MYO5B: variants seen among roughly 807,000 people sequenced by gnomAD.
MYO5B encodes the protein myosin VB, also known as unconventional myosin-Vb.
MYO5B carries 143 observed loss-of-function variants against 229.3 expected under a neutral mutation model. The observed-to-expected ratio is 0.62, with a 90% CI of 0.54 to 0.72. MYO5B has a LOEUF of 0.72. Among genes scored for constraint, MYO5B ranks in the 30% least tolerant of loss-of-function variants. MYO5B has a pLI of 0.00. For missense variants in MYO5B, 2,321 were observed against 2,331.0 expected (o/e 1.00, Z 0.09); for synonymous variants, 918 against 885.2 (o/e 1.04, Z -0.66).
At chr18:49,945,059 G>C (rs1568041425) in intron 14 of MYO5B, among the ~76,000 whole-genome samples, 1 of 152,200 alleles carries the variant, frequency 6.6e-6, no homozygotes, top group Non-Finnish European at 1.5e-5. Context: ...ACACTTAGCA[G>C]TTCTGCTTCC....
intron 10 of MYO5B, among the ~76,000 whole-genome samples, chr18:49,968,782 T>A (rs1033267363): frequency 6.6e-6 from 1 of 152,246 alleles, no homozygotes; most frequent in Non-Finnish European, 1.5e-5. Context: ...CTGACTTTTT[T>A]AGCTTTTAAT....
chr18:50,101,704 A>G (rs2031658156), intron 1 of MYO5B, among the ~76,000 whole-genome samples: 1 of 152,176 alleles, frequency 6.6e-6, no homozygotes, highest in Non-Finnish European at 1.5e-5. Flanking sequence ...TCTCATGCAG[A>G]TCAGAATGGT....
chr18:49,996,493 C>G (rs1356556331), intron 5 of MYO5B, among the ~76,000 whole-genome samples: 3 of 152,118 alleles, frequency 2.0e-5, no homozygotes, highest in Non-Finnish European at 2.9e-5. Context: ...AAAGAATAAA[C>G]TAGAACACAG....
At chr18:49,884,934 T>A (rs941964596) in intron 22 of MYO5B, among the ~76,000 whole-genome samples, 2 of 152,118 alleles carry the variant, frequency 1.3e-5, no homozygotes, top group Non-Finnish European at 1.5e-5. Flanking sequence ...CACACTGAGA[T>A]AACAGTTCAC....
chr18:49,934,781 C>T (rs2025231078), intron 16 of MYO5B, among the ~76,000 whole-genome samples: 1 of 152,200 alleles, frequency 6.6e-6, no homozygotes, highest in African/African-American at 2.4e-5. Flanking sequence ...CATTCTGTCT[C>T]CTTAACCTTT....
At chr18:49,962,023 A>T (rs1598914504) in intron 12 of MYO5B, among the ~76,000 whole-genome samples, 2 of 152,166 alleles carry the variant, frequency 1.3e-5, no homozygotes, top group Admixed American at 6.5e-5. Context: ...AACCCGTGCC[A>T]CCCAGGCTCC....
chr18:50,010,268 G>C (rs1001102823), intron 4 of MYO5B, among the ~76,000 whole-genome samples: 2 of 152,208 alleles, frequency 1.3e-5, no homozygotes, highest in African/African-American at 4.8e-5. Flanking sequence ...CAGGTGTAGT[G>C]TGATATAGGC....
intron 27 of MYO5B, among the ~76,000 whole-genome samples, chr18:49,869,112 C>T (rs1209241941): frequency 6.6e-6 from 1 of 152,188 alleles, no homozygotes; most frequent in African/African-American, 2.4e-5. Flanking sequence ...CATCTTAGTG[C>T]TTTGACTTAC....
intron 1 of MYO5B, among the ~76,000 whole-genome samples, chr18:50,061,393 G>A (rs1258157846): frequency 6.6e-6 from 1 of 152,174 alleles, no homozygotes; most frequent in Non-Finnish European, 1.5e-5. Flanking sequence ...CAGTTTTGTC[G>A]AGAAATCCTG....
intron 16 of MYO5B, among the ~76,000 whole-genome samples, chr18:49,934,808 C>G (rs781586015): frequency 1.4e-4 from 22 of 152,212 alleles, no homozygotes; most frequent in Non-Finnish European, 2.6e-4. Flanking sequence ...CAGAGCCCAT[C>G]TGAATGGAAG....
In MYO5B at chr18:49,879,064, C is replaced by T. The variant is rs557000450; in HGVS notation, c.3157G>A (p.Glu1053Lys). Residue 1053 changes from glutamate (E) to lysine (K), a missense_variant, in exon 24 of 40, where the codon GAA (glutamate) becomes AAA (lysine). Around this residue, in one of 2 missense-constraint regions of MYO5B, gnomAD observed 2,113 missense variants for 2,044.7 expected, o/e 1.03. Transcript: ENST00000285039. ...TCCAGTTCTTTCTTCATGAGATTTT[C>T]CTTCACAGAGTTCTGGGCAAATTCA... ...KDEFAQNSVK[E>K]NLMKKELEEE... 45 of 1,612,488 alleles carry T rather than the reference C, an allele frequency of 2.8e-5. No homozygotes were observed. In the South Asian group the frequency reaches 4.6e-4, roughly 17 times the overall value.
At chr18:50,086,737 C>A (rs2031338664) in intron 1 of MYO5B, among the ~76,000 whole-genome samples, 1 of 152,120 alleles carries the variant, frequency 6.6e-6, no homozygotes, top group Non-Finnish European at 1.5e-5. Context: ...ATGTCTGGAG[C>A]TCAGAAGAGA....
chr18:50,085,763 T>C (rs1297492346), intron 1 of MYO5B, among the ~76,000 whole-genome samples: 1 of 152,064 alleles, frequency 6.6e-6, no homozygotes, highest in Non-Finnish European at 1.5e-5. Flanking sequence ...ATGTCCTTTG[T>C]AGGGACATGG....
intron 7 of MYO5B, among the ~76,000 whole-genome samples, chr18:49,988,617 T>C (rs1598934299): frequency 6.6e-6 from 1 of 152,172 alleles, no homozygotes; most frequent in South Asian, 2.1e-4. Flanking sequence ...GTCTTGCCAA[T>C]ATTTGTTTAT....
At position 49,895,084 on chromosome 18, in the gene MYO5B, G is replaced by A. The variant is rs753810641; in HGVS notation, c.2902C>T (p.His968Tyr). The A allele has an allele frequency of 6.2e-7, 1 of 1,614,120 alleles. No homozygotes were observed. The part of the protein sequence containing the change: ...EVERLKKELV[H>Y]YQQSPGEDTS... ...TCCTCACCTGGGCTCTGCTGGTAGT[G>A]CACCAGCTCCTTCTTCAGCCGCTCT... The change falls in exon 22 of 40, where the codon CAC (histidine) becomes TAC (tyrosine). Residue 968 changes from histidine to tyrosine, a missense_variant. By Grantham distance (83) the His-to-Tyr change is moderately conservative (BLOSUM62 2). This residue lies in a region of MYO5B where 2,113 missense variants were observed against 2,044.7 expected (regional missense o/e 1.03). Coordinates refer to ENST00000285039, the MANE Select transcript of MYO5B (RefSeq NM_001080467.3).
chr18:49,983,696 T>C (rs538120186), intron 8 of MYO5B, among the ~76,000 whole-genome samples: 45 of 152,320 alleles, frequency 3.0e-4, no homozygotes, highest in African/African-American at 1.1e-3. Flanking sequence ...ATATTAATTT[T>C]TCTATTTTGG....
At chr18:49,841,156 T>C (rs115752082) in intron 35 of MYO5B, among the ~76,000 whole-genome samples, 11 of 152,120 alleles carry the variant, frequency 7.2e-5, no homozygotes, top group Non-Finnish European at 1.6e-4. Flanking sequence ...TTGGGGCCCC[T>C]TGGGCTCATC....
intron 1 of MYO5B, among the ~76,000 whole-genome samples, chr18:50,130,383 C>T (rs2032236086): frequency 1.3e-5 from 2 of 152,214 alleles, no homozygotes; most frequent in South Asian, 4.1e-4. Context: ...GAATGGCAAT[C>T]AGATGGCTTA....
At chr18:50,007,822 G>C (rs1375584585) in intron 4 of MYO5B, among the ~76,000 whole-genome samples, 1 of 152,176 alleles carries the variant, frequency 6.6e-6, no homozygotes, top group East Asian at 1.9e-4. Flanking sequence ...TGCTCAAATG[G>C]TTTATGAGAC....
Sources: gnomAD v4.1 joint callset for allele counts (sites outside exome capture counted in the v4.1 genomes callset) on GRCh38, gnomAD v4.1.1 for gene constraint, gnomAD v4.1.1 regional missense constraint, MANE v1.5 for transcripts, NCBI Gene and HGNC (gene_info 2026-07-23, HGNC 2026-07-21) for gene names.